NRCAM: variants seen among roughly 807,000 people sequenced by gnomAD.
NRCAM encodes NgCAM-related cell adhesion molecule.
In NRCAM, 83 loss-of-function variants were observed where a neutral mutation model predicts 156.5. The ratio of observed to expected loss-of-function variants is 0.53; its 90% CI spans 0.44 to 0.64. The LOEUF is 0.64. NRCAM is among the 30% of genes least tolerant of loss of function. The pLI is 0.00. For synonymous variants in NRCAM, 538 were observed against 563.9 expected (o/e 0.95, Z 0.65); for missense variants, 1,417 against 1,597.3 (o/e 0.89, Z 1.92).
At chr7:108,189,196 C>G (rs761184284) in intron 20 of NRCAM, among the ~76,000 whole-genome samples, 21 of 152,160 alleles carry the variant, frequency 1.4e-4, no homozygotes, top group Non-Finnish European at 2.2e-4. Context: ...AACCTGTTAT[C>G]TACGCCCAGT....
intron 11 of NRCAM, among the ~76,000 whole-genome samples, chr7:108,212,200 T>C (rs924428304): frequency 2.0e-5 from 3 of 151,606 alleles, no homozygotes; most frequent in Admixed American, 6.6e-5. Context: ...ACGGGGAGAG[T>C]ACTACATCAA....
At chr7:108,230,367 C>T (rs1046657034) in intron 8 of NRCAM, among the ~76,000 whole-genome samples, 6 of 152,104 alleles carry the variant, frequency 3.9e-5, no homozygotes, top group African/African-American at 1.4e-4. Flanking sequence ...GTGGCCCCAA[C>T]AGTCTCTCTA....
At chr7:108,275,719 G>A (rs1044321458) in intron 3 of NRCAM, among the ~76,000 whole-genome samples, 2 of 151,890 alleles carry the variant, frequency 1.3e-5, no homozygotes, top group Non-Finnish European at 2.9e-5. Flanking sequence ...AGGGTTTTTC[G>A]TGTCTCTATC....
chr7:108,240,046 G>T lies in NRCAM; in HGVS notation c.19C>A (p.Pro7Thr). Reference protein sequence around the residue: MQLKIMPKKKRLSAGRV... With the variant: MQLKIMTKKKRLSAGRV... Reference sequence around the variant, plus strand: ...CCCGCAGATAAGCGCTTCTTTTTCGGCATTATTTTAAGCTGCATTAGCTTA... The same window carrying T: ...CCCGCAGATAAGCGCTTCTTTTTCGTCATTATTTTAAGCTGCATTAGCTTA... The change falls in exon 4 of 33, where the codon CCG becomes ACG. Residue 7 changes from proline to threonine, a missense_variant. Physicochemically the swap from Pro to Thr is conservative, Grantham distance 38 (BLOSUM62 -1). Transcript: ENST00000379028. 6.2e-7 allele frequency: 1 copy of T among 1,612,590 alleles called. No individual in the cohort carries two copies. Among genetic ancestry groups the T allele is most frequent in the African/African-American group, 1.3e-5 (1 of 74,952 alleles).
chr7:108,149,943 A>T lies in NRCAM; in HGVS notation c.3882T>A (p.Pro1294=). The part of the protein sequence containing the change: ...PAEGNESSEA[P]SPVNAMNSFV ...AGGAATTCATGGCGTTGACAGGAGA[A>T]GGTGCCTCTGAGCTTTCGTTTCCTT... is the stretch of plus-strand genomic sequence containing the variant. Residue 1294 remains proline, a synonymous_variant, in exon 33 of 33, where the codon CCT becomes CCA. Transcript: ENST00000379028. The T allele has an allele frequency of 6.2e-7, 1 of 1,612,776 alleles. No individual in the cohort carries two copies.
intron 28 of NRCAM, 45 bp from the exon 29 acceptor site, chr7:108,168,447 A>T (rs2056311397): frequency 6.7e-7 from 1 of 1,498,066 alleles, no homozygotes; most frequent in Non-Finnish European, 8.9e-7. Context: ...ATATTGCAAC[A>T]CCATACACAC....
chr7:108,452,656 C>A (rs1463363976), intron 1 of NRCAM, among the ~76,000 whole-genome samples: 1 of 152,188 alleles, frequency 6.6e-6, no homozygotes, highest in Non-Finnish European at 1.5e-5. Context: ...CAAATCACTT[C>A]CTCTTCATCA....
intron 2 of NRCAM, among the ~76,000 whole-genome samples, chr7:108,397,109 GA>G: frequency 6.6e-6 from 1 of 151,946 alleles, no homozygotes; most frequent in African/African-American, 2.4e-5. Context: ...TAGAATAAGA[GA>G]AAAAAAAGAT....
intron 2 of NRCAM, among the ~76,000 whole-genome samples, chr7:108,336,599 C>T (rs1440516554): frequency 6.6e-6 from 1 of 152,190 alleles, no homozygotes; most frequent in Non-Finnish European, 1.5e-5. Context: ...CTAGGGTTCA[C>T]TAGAAACTTT....
chr7:108,262,245 G>A (rs2096913704), intron 3 of NRCAM, among the ~76,000 whole-genome samples: 2 of 151,978 alleles, frequency 1.3e-5, no homozygotes, highest in Non-Finnish European at 2.9e-5. Context: ...ATGCTCCCAG[G>A]GTGCATCACC....
At chr7:108,296,771 A>T (rs1219695249) in intron 3 of NRCAM, among the ~76,000 whole-genome samples, 1 of 152,182 alleles carries the variant, frequency 6.6e-6, no homozygotes, top group African/African-American at 2.4e-5. Flanking sequence ...TATTCATATG[A>T]TCTCTTGTGC....
At chr7:108,184,649 G>A (rs761396210) in intron 20 of NRCAM, 35 bp from the exon 21 acceptor site, 15 of 1,583,974 alleles carry the variant, frequency 9.5e-6, no homozygotes, top group Admixed American at 6.8e-5. Context: ...ACCCAAGACC[G>A]TGAATTCAGT....
At chr7:108,387,198 T>G (rs1226227959) in intron 2 of NRCAM, among the ~76,000 whole-genome samples, 1 of 152,186 alleles carries the variant, frequency 6.6e-6, no homozygotes, top group Non-Finnish European at 1.5e-5. Flanking sequence ...TTGCTCCTCA[T>G]TTCTTTAATC....
chr7:108,346,402 A>G (rs2099354643), intron 2 of NRCAM, among the ~76,000 whole-genome samples: 1 of 152,222 alleles, frequency 6.6e-6, no homozygotes, highest in Non-Finnish European at 1.5e-5. Context: ...GAAGTATATT[A>G]TCCAGTATTA....
chr7:108,196,723 T>C (rs575960607), intron 14 of NRCAM, among the ~76,000 whole-genome samples: 2 of 152,118 alleles, frequency 1.3e-5, no homozygotes, highest in African/African-American at 4.8e-5. Flanking sequence ...CACTTAAACA[T>C]TGTGGGAGGG....
At chr7:108,341,460 A>G (rs1028814710) in intron 2 of NRCAM, among the ~76,000 whole-genome samples, 1 of 152,130 alleles carries the variant, frequency 6.6e-6, no homozygotes, top group Non-Finnish European at 1.5e-5. Context: ...TGACTGGGGA[A>G]CTTTACTCTT....
At chr7:108,302,524 CA>C (rs2098642765) in intron 3 of NRCAM, among the ~76,000 whole-genome samples, 1 of 152,142 alleles carries the variant, frequency 6.6e-6, no homozygotes. Context: ...AATTATGTCT[CA>C]AATAAGATTG....
intron 3 of NRCAM, among the ~76,000 whole-genome samples, chr7:108,307,166 A>G (rs540025156): frequency 6.6e-6 from 1 of 152,372 alleles, no homozygotes; most frequent in African/African-American, 2.4e-5. Flanking sequence ...TATACACACA[A>G]AAGACCCATG....
rs1384959819 is a variant in NRCAM at position 108,182,948 on chromosome 7, T to G, written c.2305-28A>C. The G allele has an allele frequency of 3.2e-6, 5 of 1,574,540 alleles. No homozygotes were observed. In the South Asian group the frequency reaches 5.6e-5, roughly 18 times the overall value. ...ACAAGGAAAGCCAAATAACCAGAGC[T>G]TATAACACAAATCAACTGCACAATC... On this transcript the variant is annotated intron_variant, in intron 22 of 32. Transcript: ENST00000379028.
Sources: allele counts gnomAD v4.1 joint callset (sites outside exome capture counted in the v4.1 genomes callset), GRCh38; gene constraint gnomAD v4.1.1; transcripts MANE v1.5; gene names NCBI Gene and HGNC (gene_info 2026-07-23, HGNC 2026-07-21).